Variants in AKAP7 observed in about 807,000 individuals in gnomAD.
AKAP7 encodes A-kinase anchoring protein 7, also known as A kinase (PRKA) anchor protein 7.
A neutral mutation model predicts 39.5 loss-of-function variants in AKAP7; 39 were observed. The observed-to-expected ratio is 0.99, with a 90% CI of 0.76 to 1.29. The LOEUF (loss-of-function observed/expected upper bound fraction) is 1.29. Ranked by LOEUF, AKAP7 falls within the 50% of genes most tolerant of loss-of-function variation. The probability of loss-of-function intolerance (pLI) is 0.00; values close to 1 mark genes in which losing one functional copy is unlikely to be tolerated. For missense variants in AKAP7, 414 were observed against 407.7 expected, an observed-to-expected ratio of 1.02 and a Z score of -0.13; for synonymous variants, 140 against 139.1, an observed-to-expected ratio of 1.01 and a Z score of -0.05.
chr6:131,203,036 G>T (rs572704760), intron 6 of AKAP7, among the ~76,000 whole-genome samples: 1 of 152,120 alleles, frequency 6.6e-6, no homozygotes, highest in Non-Finnish European at 1.5e-5. Context: ...TGCCATATAT[G>T]GTTCTGATAC....
At chr6:131,260,729 A>G (rs115966795) in intron 7 of AKAP7, among the ~76,000 whole-genome samples, 5 of 152,054 alleles carry the variant, frequency 3.3e-5, no homozygotes, top group Non-Finnish European at 5.9e-5. Flanking sequence ...ATAGATTGCA[A>G]AATTTCCTCC....
intron 7 of AKAP7, among the ~76,000 whole-genome samples, chr6:131,269,955 A>C (rs1196148845): frequency 6.6e-6 from 1 of 152,200 alleles, no homozygotes; most frequent in Non-Finnish European, 1.5e-5. Context: ...GAAAGCCATC[A>C]TCATTACCAG....
chr6:131,266,801 AT>A (rs1157268181), intron 7 of AKAP7, among the ~76,000 whole-genome samples: 2 of 152,028 alleles, frequency 1.3e-5, no homozygotes, highest in Admixed American at 6.6e-5. Context: ...TTTTGTTGTA[AT>A]GATTAATCAA....
At chr6:131,200,790 CA>C (rs1289748065) in intron 6 of AKAP7, 1 of 152,094 alleles carries the variant, frequency 6.6e-6, no homozygotes, top group Non-Finnish European at 1.5e-5. Flanking sequence ...CAACAATTTA[CA>C]AAACTTGTAG....
chr6:131,178,412 A>G (rs1804780552), intron 5 of AKAP7, among the ~76,000 whole-genome samples: 1 of 152,216 alleles, frequency 6.6e-6, no homozygotes, highest in South Asian at 2.1e-4. Flanking sequence ...AACTATTATT[A>G]TTAATGATAA....
intron 6 of AKAP7, among the ~76,000 whole-genome samples, chr6:131,209,173 ATT>A (rs113718043): frequency 6.7e-6 from 1 of 148,506 alleles, no homozygotes; most frequent in Non-Finnish European, 1.5e-5. Context: ...AGCTTAAGTG[ATT>A]TTTTTTTTTG....
At chr6:131,132,041 G>T (rs559359722), upstream of AKAP7, among the ~76,000 whole-genome samples, 1 of 152,102 alleles carries the variant, frequency 6.6e-6, no homozygotes, top group Non-Finnish European at 1.5e-5. Context: ...GGCCAGGCGC[G>T]GTGGGTCACA....
intron 2 of AKAP7, among the ~76,000 whole-genome samples, chr6:131,150,868 G>GT (rs1431329227): frequency 6.6e-6 from 1 of 152,104 alleles, no homozygotes; most frequent in Non-Finnish European, 1.5e-5. Context: ...TCCTTAAAAC[G>GT]TAACTAGCCT....
intron 7 of AKAP7, among the ~76,000 whole-genome samples, chr6:131,245,672 T>G (rs913161053): frequency 6.6e-6 from 1 of 152,174 alleles, no homozygotes; most frequent in African/African-American, 2.4e-5. Context: ...ACATTTTCAC[T>G]GAAATTGTGA....
intron 1 of AKAP7, chr6:131,136,913 T>A: frequency 1.0e-6 from 1 of 972,792 alleles, no homozygotes; most frequent in Non-Finnish European, 1.2e-6. Context: ...TTTCCAGTTG[T>A]TCTTAGGAAT....
chr6:131,177,061 T>C (rs1804653978), intron 5 of AKAP7, among the ~76,000 whole-genome samples: 1 of 152,200 alleles, frequency 6.6e-6, no homozygotes, highest in South Asian at 2.1e-4. Flanking sequence ...TTCTCATCTC[T>C]CTCTTAATCC....
At chr6:131,244,956 G>A (rs1322547460) in intron 7 of AKAP7, among the ~76,000 whole-genome samples, 1 of 152,112 alleles carries the variant, frequency 6.6e-6, no homozygotes, top group Admixed American at 6.5e-5. Flanking sequence ...GTAAAGAGAA[G>A]TAAAAAGTCT....
chr6:131,256,524 AG>A (rs1301130438), intron 7 of AKAP7, among the ~76,000 whole-genome samples: 1 of 152,096 alleles, frequency 6.6e-6, no homozygotes, highest in Non-Finnish European at 1.5e-5. Flanking sequence ...AATTATTCCC[AG>A]CCCCCAGTAG....
At chr6:131,224,835 C>A (rs1170112967) in intron 7 of AKAP7, among the ~76,000 whole-genome samples, 2 of 147,876 alleles carry the variant, frequency 1.4e-5, no homozygotes, top group East Asian at 4.0e-4. Context: ...TCTACAACCT[C>A]CACCTCCTGG....
At chr6:131,166,410 A>T (rs916671624) in intron 4 of AKAP7, among the ~76,000 whole-genome samples, 3 of 152,250 alleles carry the variant, frequency 2.0e-5, no homozygotes, top group African/African-American at 7.2e-5. Flanking sequence ...AACAGCACCA[A>T]TAGGAGCGTA....
In AKAP7 at chr6:131,242,254, G is replaced by A. The variant is rs1276726461; in HGVS notation, c.850+22446G>A. The A allele has an allele frequency of 4.2e-6, 4 of 941,288 alleles. No individual in the cohort carries two copies. In the Admixed American group the frequency reaches 2.5e-4, roughly 58 times the overall value. 58.3% of individuals were successfully genotyped at this position (941,288 alleles called of 1,614,324 possible). The stretch of plus-strand genomic sequence containing the variant: ...ATTGACCATCACAGTTTTATATTTG[G>A]TACCAAAGAACCATAGCTGCCAAAT... On this transcript the variant is annotated intron_variant, in intron 7 of 7. Coordinates refer to ENST00000431975, the MANE Select transcript of AKAP7 (RefSeq NM_016377.4).
At chr6:131,185,283 T>C in intron 5 of AKAP7, 1 of 471,342 alleles carries the variant, frequency 2.1e-6, no homozygotes, top group South Asian at 1.9e-5. Flanking sequence ...CGAGTAGTTG[T>C]CCAGAGGCCA....
intron 7 of AKAP7, among the ~76,000 whole-genome samples, chr6:131,243,690 C>G (rs2128314576): frequency 6.6e-6 from 1 of 152,262 alleles, no homozygotes; most frequent in Non-Finnish European, 1.5e-5. Flanking sequence ...CACTGGGCCA[C>G]TTTCAGAGCT....
chr6:131,216,057 A>T (rs2128295042), intron 6 of AKAP7, among the ~76,000 whole-genome samples: 1 of 152,378 alleles, frequency 6.6e-6, no homozygotes, highest in East Asian at 1.9e-4. Context: ...TTCATCATGG[A>T]CATTGTGATT....
Sources: gnomAD v4.1 joint callset for allele counts (sites outside exome capture counted in the v4.1 genomes callset) on GRCh38, gnomAD v4.1.1 for gene constraint, MANE v1.5 for transcripts, NCBI Gene and HGNC (gene_info 2026-07-23, HGNC 2026-07-21) for gene names.